The following CACNA1D variants were observed in gnomAD, a reference collection of about 807,000 sequenced individuals.
CACNA1D encodes the protein calcium voltage-gated channel subunit alpha1 D.
CACNA1D carries 55 observed loss-of-function variants against 257.1 expected under a neutral mutation model. The observed-to-expected ratio is 0.21, with a 90% CI of 0.17 to 0.27. The LOEUF is 0.27. Ranked by LOEUF, CACNA1D falls within the 10% of genes least tolerant of loss-of-function variation. CACNA1D has a pLI of 1.00. For synonymous variants in CACNA1D, 980 were observed against 1,014.9 expected, an observed-to-expected ratio of 0.97 and a Z score of 0.65; for missense variants, 1,876 against 2,784.0, an observed-to-expected ratio of 0.67 and a Z score of 7.34.
rs538843847 is a variant in CACNA1D, at chr3:53,729,003, G to A, written c.2222-1439G>A. ...GATTTGCTTTCCACTACCCAAAGGA[G>A]TTGAGTGTCATGGCAAGACTAGAGA... On this transcript the variant is annotated intron_variant, in intron 15 of 47. Transcript: ENST00000350061. Among the ~76,000 whole-genome samples, 3 of 152,334 alleles carry A rather than the reference G, an allele frequency of 2.0e-5. No individual in the cohort carries two copies. In the South Asian group the frequency reaches 6.2e-4, roughly 32 times the overall value.
chr3:53,550,399 C>T lies in CACNA1D; in HGVS notation c.483+48679C>T, dbSNP rs549069391. Among the ~76,000 whole-genome samples, 17 of 152,318 alleles carry T rather than the reference C, an allele frequency of 1.1e-4. No homozygotes were observed. The South Asian group carries it at 1.7e-3, about 15-fold the overall frequency. The stretch of plus-strand genomic sequence containing the variant: ...AGGTCTCACTCCCTCAGCACCATCT[C>T]GCAGCTTCTAGCACCCCTGGAGGCT... On this transcript the variant is annotated intron_variant, in intron 3 of 47. Coordinates refer to ENST00000350061, the MANE Select transcript of CACNA1D (RefSeq NM_001128840.3).
intron 3 of CACNA1D, among the ~76,000 whole-genome samples, chr3:53,637,822 T>G (rs944874052): frequency 6.6e-6 from 1 of 152,208 alleles, no homozygotes; most frequent in Non-Finnish European, 1.5e-5. Flanking sequence ...TGCAGTTGGG[T>G]CATGCCTGGT....
At chr3:53,501,781 A>G in intron 3 of CACNA1D, 61 bp downstream of exon 3, 2 of 955,094 alleles carry the variant, frequency 2.1e-6, no homozygotes, top group South Asian at 1.3e-5. Flanking sequence ...TTCTATACTT[A>G]AACTGGCAGC....
intron 8 of CACNA1D, among the ~76,000 whole-genome samples, chr3:53,682,038 TTAGAC>T (rs370685789): frequency 2.0e-5 from 3 of 152,112 alleles, no homozygotes; most frequent in Admixed American, 1.3e-4. Flanking sequence ...CGTAGGACCT[TTAGAC>T]TATGTCACAG....
chr3:53,721,942 A>G (rs1168396156), intron 11 of CACNA1D, among the ~76,000 whole-genome samples: 5 of 152,222 alleles, frequency 3.3e-5, no homozygotes, highest in Non-Finnish European at 7.3e-5. Context: ...CACGTCCCAT[A>G]TGGTGGATAT....
intron 38 of CACNA1D, among the ~76,000 whole-genome samples, chr3:53,780,566 G>T (rs1454367782): frequency 6.6e-6 from 1 of 152,210 alleles, no homozygotes; most frequent in Non-Finnish European, 1.5e-5. Flanking sequence ...GAAATGAGGT[G>T]ATGTCTGCAA....
chr3:53,633,426 C>T (rs997616033), intron 3 of CACNA1D, among the ~76,000 whole-genome samples: 8 of 151,366 alleles, frequency 5.3e-5, no homozygotes, highest in Non-Finnish European at 1.2e-4. Context: ...TTACACTCCA[C>T]CCTGGGGAAC....
intron 3 of CACNA1D, among the ~76,000 whole-genome samples, chr3:53,589,775 T>G (rs1413368230): frequency 1.3e-5 from 2 of 152,174 alleles, no homozygotes; most frequent in African/African-American, 4.8e-5. Flanking sequence ...GTGCCTGGCC[T>G]TGTTTTGGCA....
In CACNA1D at chr3:53,800,021, G is replaced by C; in HGVS notation, c.4924-228G>C. The C allele has an allele frequency of 4.9e-6, 3 of 617,010 alleles. No individual in the cohort carries two copies. The South Asian group carries it at 5.4e-5, about 11-fold the overall frequency. 38.2% of individuals were successfully genotyped at this position (617,010 alleles called of 1,614,324 possible). On this transcript the variant is annotated intron_variant, in intron 40 of 47. Coordinates refer to ENST00000350061, the MANE Select transcript of CACNA1D (RefSeq NM_001128840.3). This position sits in a 1 kb window ranked among gnomAD's most constrained non-coding sequence, Gnocchi z 4.3. The stretch of plus-strand genomic sequence containing the variant: ...GTGGGGGTTTTGCAAAGGAGGTTAC[G>C]GGGTTGCAGGCCTCAGGCATCCTAC...
At chr3:53,682,384 A>AAAAAAAAG in intron 8 of CACNA1D, among the ~76,000 whole-genome samples, 1 of 148,184 alleles carries the variant, frequency 6.7e-6, no homozygotes, top group Non-Finnish European at 1.5e-5. Flanking sequence ...AAAAAAAAAA[A>AAAAAAAAG]AAAAAAAAAA....
chr3:53,697,258 G>A (rs890658326), intron 8 of CACNA1D, among the ~76,000 whole-genome samples: 4 of 152,218 alleles, frequency 2.6e-5, no homozygotes, highest in African/African-American at 9.6e-5. Context: ...GCTTCTGGGC[G>A]ATCCCAGCAA....
intron 3 of CACNA1D, among the ~76,000 whole-genome samples, chr3:53,613,921 A>G (rs1327893003): frequency 2.0e-5 from 3 of 152,096 alleles, no homozygotes; most frequent in Admixed American, 1.3e-4. Flanking sequence ...TCAATATAAG[A>G]AATTATTAAC....
At chr3:53,625,504 G>GTGC (rs1377285752) in intron 3 of CACNA1D, among the ~76,000 whole-genome samples, 1 of 152,132 alleles carries the variant, frequency 6.6e-6, no homozygotes, top group Non-Finnish European at 1.5e-5. Flanking sequence ...GACCCAAGCG[G>GTGC]TGCTGTTCCC....
chr3:53,565,022 A>G (rs1295301259), intron 3 of CACNA1D, among the ~76,000 whole-genome samples: 5 of 152,000 alleles, frequency 3.3e-5, no homozygotes, highest in Admixed American at 3.3e-4. Flanking sequence ...GCCCAGTTTA[A>G]TTTTTTTCCA....
chr3:53,557,492 C>CT (rs924686692), intron 3 of CACNA1D, among the ~76,000 whole-genome samples: 1 of 150,088 alleles, frequency 6.7e-6, no homozygotes, highest in African/African-American at 2.5e-5. Context: ...GAAACTCTGT[C>CT]TCAAAAAAAA....
rs981475714 is a variant in CACNA1D at position 53,728,799 on chromosome 3, C to T, written c.2222-1643C>T. Among the ~76,000 whole-genome samples, 7 of 152,300 alleles carry T rather than the reference C, an allele frequency of 4.6e-5. No individual in the cohort carries two copies. In the East Asian group the frequency reaches 1.4e-3, roughly 29 times the overall value. On this transcript the variant is annotated intron_variant, in intron 15 of 47. Coordinates refer to ENST00000350061, the MANE Select transcript of CACNA1D (RefSeq NM_001128840.3). Reference sequence around the variant, plus strand: ...CCAGTGTGTGGTGTTTCTTCCTGTGCCCTCAGCACCCACAACAGTGCCTGA... The same window carrying T: ...CCAGTGTGTGGTGTTTCTTCCTGTGTCCTCAGCACCCACAACAGTGCCTGA...
chr3:53,730,014 C>T (rs1283084989), intron 15 of CACNA1D, among the ~76,000 whole-genome samples: 3 of 151,934 alleles, frequency 2.0e-5, no homozygotes, highest in African/African-American at 7.3e-5. Flanking sequence ...AAAGCACTCC[C>T]CTGAATATAT....
intron 3 of CACNA1D, chr3:53,530,410 C>T (rs1161086630): frequency 3.3e-5 from 5 of 152,198 alleles, no homozygotes; most frequent in Non-Finnish European, 7.3e-5. Context: ...ACAAAGTGCT[C>T]AGCAGTACTT....
At chr3:53,803,938 T>C (rs2095548929) in intron 44 of CACNA1D, among the ~76,000 whole-genome samples, 1 of 152,186 alleles carries the variant, frequency 6.6e-6, no homozygotes, top group Admixed American at 6.5e-5. Flanking sequence ...CCCAGGGCTC[T>C]GTGTGGACGG....
Sources: allele counts gnomAD v4.1 joint callset (sites outside exome capture counted in the v4.1 genomes callset), GRCh38; gene constraint gnomAD v4.1.1; non-coding constraint Gnocchi (gnomAD v3.1); transcripts MANE v1.5; gene names NCBI Gene and HGNC (gene_info 2026-07-23, HGNC 2026-07-21).